CNTNAP3B: variants seen among roughly 807,000 people sequenced by gnomAD.
CNTNAP3B encodes the protein contactin-associated protein-like 3B.
A neutral mutation model predicts 108.9 loss-of-function variants in CNTNAP3B; 25 were observed. That is an observed-to-expected ratio of 0.23 (90% CI 0.17 to 0.32). CNTNAP3B has a LOEUF of 0.32. Ranked by LOEUF, CNTNAP3B falls within the 10% of genes least tolerant of loss-of-function variation. CNTNAP3B has a pLI of 1.00. For missense variants in CNTNAP3B, 252 were observed against 1,210.4 expected (o/e 0.21, Z 11.75); for synonymous variants, 103 against 473.4 (o/e 0.22, Z 10.16).
chr9:41,943,208 C>T (rs1368978843), intron 13 of CNTNAP3B, among the ~76,000 whole-genome samples: 1 of 152,284 alleles, frequency 6.6e-6, no homozygotes, highest in African/African-American at 2.4e-5. Context: ...TTGATGGCCT[C>T]ATCAAAGTCT....
At chr9:42,070,700 G>T (rs1412022963) in intron 3 of CNTNAP3B, among the ~76,000 whole-genome samples, 1 of 152,164 alleles carries the variant, frequency 6.6e-6, no homozygotes, top group Admixed American at 6.5e-5. Context: ...AGTCCAGACA[G>T]CTGCTGCCTC....
chr9:41,938,112 T>TG, intron 14 of CNTNAP3B, 132 bp downstream of exon 14: 1 of 729,060 alleles, frequency 1.4e-6, no homozygotes, highest in South Asian at 1.9e-5. Context: ...CATCAAAACT[T>TG]GTATTTCAGC....
intron 14 of CNTNAP3B, among the ~76,000 whole-genome samples, chr9:41,934,126 C>CATAT (rs1824074627): frequency 4.5e-5 from 1 of 22,282 alleles, no homozygotes; most frequent in Admixed American, 5.2e-4. Context: ...TATATATACA[C>CATAT]ACACATATAT....
intron 12 of CNTNAP3B, among the ~76,000 whole-genome samples, chr9:41,955,570 G>T (rs1175942234): frequency 3.9e-5 from 6 of 152,246 alleles, no homozygotes; most frequent in African/African-American, 1.4e-4. Flanking sequence ...TCCCTCTGTT[G>T]CCCAGCTTGG....
At chr9:42,113,816 G>A (rs28586879) in intron 1 of CNTNAP3B, among the ~76,000 whole-genome samples, 59,935 of 137,346 alleles carry the variant, frequency 0.44, 17,829 homozygotes, top group East Asian at 0.7. Context: ...TTTGCAACTC[G>A]AAGGATAATT....
At chr9:42,070,731 A>C (rs1256639247) in intron 3 of CNTNAP3B, among the ~76,000 whole-genome samples, 11 of 152,152 alleles carry the variant, frequency 7.2e-5, no homozygotes, top group African/African-American at 2.7e-4. Context: ...GCTGATCGGC[A>C]GATCTCCAAC....
At chr9:41,943,910 A>G (rs1194179006) in intron 13 of CNTNAP3B, among the ~76,000 whole-genome samples, 1 of 152,258 alleles carries the variant, frequency 6.6e-6, no homozygotes, top group Non-Finnish European at 1.5e-5. Flanking sequence ...TTAAAATAAA[A>G]TCTTTTAAAA....
rs1176231286 is a variant in CNTNAP3B, at chr9:42,063,341, G to T, written c.390+13528C>A. Among the ~76,000 whole-genome samples the T allele has an allele frequency of 2.3e-5, 3 of 132,776 alleles. No homozygotes were observed. The Admixed American group carries it at 2.3e-4, about 10-fold the overall frequency. The allele number at this position is 132,776 out of a possible 152,430, so 87.1% of individuals were successfully genotyped here. A position where few individuals can be genotyped will look rare whatever the true frequency, so the allele number is the denominator to read the frequency against. On this transcript the variant is annotated intron_variant, in intron 3 of 23. Transcript: ENST00000377561. ...TGGTTGACAGTTTTTGTTATGTTTT[G>T]TTTTTTTCCTTTCAGCACTTGAATA...
rs528037172 is a variant in CNTNAP3B at position 42,121,891 on chromosome 9, C to T, written c.85+7119G>A. 3.4e-4 allele frequency among the ~76,000 whole-genome samples: 48 copies of T among 140,186 alleles called. 10 individuals carry two copies. The South Asian group carries it at 4.6e-3, about 14-fold the overall frequency. The allele number at this position is 140,186 out of a possible 152,430, so 92.0% of individuals were successfully genotyped here. On this transcript the variant is annotated intron_variant, in intron 1 of 23. Transcript: ENST00000377561. The stretch of plus-strand genomic sequence containing the variant: ...AGTCTGCCAGTTTGTTTCATGGTTG[C>T]GGCAGAAGACTCCTGGGTCAAAGCA...
intron 12 of CNTNAP3B, among the ~76,000 whole-genome samples, chr9:41,958,730 G>GAAAAC (rs1444125038): frequency 4.8e-5 from 7 of 145,132 alleles, no homozygotes; most frequent in East Asian, 4.0e-4. Flanking sequence ...CAAAACAAAA[G>GAAAAC]AAAACAAAAC....
At position 41,944,507 on chromosome 9, in the gene CNTNAP3B, C is replaced by G. The variant is rs934642011; in HGVS notation, c.2081-6107G>C. On this transcript the variant is annotated intron_variant, in intron 13 of 23. Coordinates refer to ENST00000377561, the MANE Select transcript of CNTNAP3B (RefSeq NM_001201380.3). The stretch of plus-strand genomic sequence containing the variant: ...ATTGTTATAGTGTATATTTTATACT[C>G]AAAGGCTACCACTAAAACAATTACC... Among the ~76,000 whole-genome samples the G allele has an allele frequency of 4.1e-4, 63 of 152,364 alleles. No individual in the cohort carries two copies. In the Middle Eastern group the frequency reaches 0.017, roughly 41 times the overall value.
chr9:41,930,069 A>G (rs1158009504), intron 14 of CNTNAP3B, among the ~76,000 whole-genome samples: 2 of 152,306 alleles, frequency 1.3e-5, no homozygotes, highest in Non-Finnish European at 2.9e-5. Flanking sequence ...GCAGAATATT[A>G]ATTTATCATT....
intron 13 of CNTNAP3B, among the ~76,000 whole-genome samples, chr9:41,940,427 G>T: frequency 6.6e-6 from 1 of 152,422 alleles, no homozygotes; most frequent in East Asian, 1.9e-4. Context: ...TACAGAACCA[G>T]AAGGAATGGC....
At position 41,968,481 on chromosome 9, in the gene CNTNAP3B, A is replaced by T. The variant is rs1825348170; in HGVS notation, c.1649+1593T>A. 1.4e-5 allele frequency among the ~76,000 whole-genome samples: 2 copies of T among 141,210 alleles called. 1 individual carries two copies. Among genetic ancestry groups the T allele is most frequent in the Non-Finnish European group, 3.1e-5 (2 of 65,272 alleles). 92.6% of individuals were successfully genotyped at this position (141,210 alleles called of 152,430 possible). On this transcript the variant is annotated intron_variant, in intron 10 of 23. Coordinates refer to ENST00000377561, the MANE Select transcript of CNTNAP3B (RefSeq NM_001201380.3). ...CTGTGTGCCAAGAATTCAAATCTCA[A>T]GGTCAAGAATGAGAGGTACTTGACA...
rs1468101101 is a variant in CNTNAP3B at position 42,110,027 on chromosome 9, C to T, written c.86-5288G>A. ...TAGAGCCTTCGTAGGGAGTGTGGCC[C>T]ATCTTGATTTTGGACTAGGGATACT... is the stretch of plus-strand genomic sequence containing the variant. On this transcript the variant is annotated intron_variant, in intron 1 of 23. Transcript: ENST00000377561. 1.4e-5 allele frequency among the ~76,000 whole-genome samples: 2 copies of T among 138,024 alleles called. 1 individual carries two copies. Among genetic ancestry groups the T allele is most frequent in the Non-Finnish European group, 3.1e-5 (2 of 64,656 alleles). 90.5% of individuals were successfully genotyped at this position (138,024 alleles called of 152,430 possible). A position where few individuals can be genotyped will look rare whatever the true frequency, so the allele number is the denominator to read the frequency against.
chr9:42,036,086 C>T (rs1826622207), intron 3 of CNTNAP3B, among the ~76,000 whole-genome samples: 1 of 149,728 alleles, frequency 6.7e-6, no homozygotes, highest in Non-Finnish European at 1.5e-5. Flanking sequence ...CCAGCCTGGG[C>T]ATCACAGGGA....
chr9:41,934,130 C>CATATATATATATATATATATACACAT (rs1253743490), intron 14 of CNTNAP3B, among the ~76,000 whole-genome samples: 1 of 116,500 alleles, frequency 8.6e-6, no homozygotes, highest in African/African-American at 3.4e-5. Flanking sequence ...TATACACACA[C>CATATATATATATATATATATACACAT]ATATATATAT....
chr9:42,098,211 T>C (rs1371375649), intron 2 of CNTNAP3B, among the ~76,000 whole-genome samples: 1 of 136,488 alleles, frequency 7.3e-6, no homozygotes, highest in East Asian at 2.3e-4. Context: ...CAAACTTACT[T>C]CCTCAGAGAA....
At chr9:41,995,730 CAAAAAAA>C (rs1167589988) in intron 7 of CNTNAP3B, among the ~76,000 whole-genome samples, 4 of 66,400 alleles carry the variant, frequency 6.0e-5, no homozygotes, top group Non-Finnish European at 1.1e-4. Context: ...GACTCCGTCT[CAAAAAAA>C]AAAAAAAAAA....
Sources: gnomAD v4.1 joint callset for allele counts (sites outside exome capture counted in the v4.1 genomes callset) on GRCh38, gnomAD v4.1.1 for gene constraint, MANE v1.5 for transcripts, NCBI Gene and HGNC (gene_info 2026-07-23, HGNC 2026-07-21) for gene names.